TREH: variants seen among roughly 807,000 people sequenced by gnomAD.
TREH encodes the protein alpha,alpha-trehalose glucohydrolase.
TREH carries 69 observed loss-of-function variants against 80.5 expected under a neutral mutation model. The observed-to-expected ratio is 0.86, with a 90% CI of 0.71 to 1.05. The LOEUF is 1.05. Ranked by LOEUF, TREH falls within the 50% of genes least tolerant of loss-of-function variation. TREH has a pLI of 0.00. For missense variants in TREH, 716 were observed against 718.8 expected (o/e 1.00, Z 0.04); for synonymous variants, 309 against 293.5 (o/e 1.05, Z -0.54).
intron 4 of TREH, among the ~76,000 whole-genome samples, chr11:118,662,248 A>G (rs1411105507): frequency 1.4e-5 from 2 of 138,534 alleles, no homozygotes; most frequent in African/African-American, 2.6e-5. Context: ...TGAGCCAGGC[A>G]CTGGGCAGGT....
intron 1 of TREH, among the ~76,000 whole-genome samples, chr11:118,669,312 GCTACCAT>G (rs1949409454): frequency 6.6e-6 from 1 of 152,156 alleles, no homozygotes; most frequent in African/African-American, 2.4e-5. Flanking sequence ...TAAAAATAGA[GCTACCAT>G]ATGATCCAGA....
intron 1 of TREH, among the ~76,000 whole-genome samples, chr11:118,671,712 G>C (rs540653615): frequency 3.3e-5 from 5 of 152,194 alleles, no homozygotes; most frequent in African/African-American, 1.2e-4. Context: ...AGAACACCAA[G>C]CAGATTTAAC....
intron 1 of TREH, among the ~76,000 whole-genome samples, chr11:118,667,589 G>A (rs1949390138): frequency 6.6e-6 from 1 of 152,190 alleles, no homozygotes; most frequent in African/African-American, 2.4e-5. Flanking sequence ...CTGAGACAAG[G>A]AAGGCTATGG....
At position 118,674,974 on chromosome 11, in the gene TREH, A is replaced by G. The variant is rs754399583; in HGVS notation, c.89+4565T>C. ...TAAGCATGGCCCATCTTTTACTTTC[A>G]GTTTGGCTATTAGAGATAAAAGTCT... On this transcript the variant is annotated intron_variant, in intron 1 of 14. Transcript: ENST00000264029. This position sits in a 1 kb window ranked among gnomAD's most constrained non-coding sequence, Gnocchi z 4.4. 7.4e-4 allele frequency among the ~76,000 whole-genome samples: 112 copies of G among 152,212 alleles called. No individual in the cohort carries two copies. Among genetic ancestry groups the G allele is most frequent in the Non-Finnish European group, 1.3e-3 (88 of 68,010 alleles).
chr11:118,673,485 T>G (rs1214368722), intron 1 of TREH, among the ~76,000 whole-genome samples: 1 of 152,226 alleles, frequency 6.6e-6, no homozygotes, highest in Non-Finnish European at 1.5e-5. Context: ...ATTTTGTGCC[T>G]CAGCGGGAAA....
intron 1 of TREH, among the ~76,000 whole-genome samples, chr11:118,667,295 C>T (rs1949386866): frequency 6.6e-6 from 1 of 152,182 alleles, no homozygotes; most frequent in African/African-American, 2.4e-5. Context: ...CCTCCCACCT[C>T]AGCCTCCTGA....
rs1555144198 is a variant in TREH, at chr11:118,659,032, A to G, written c.1433-15T>C. ...CTTGGCCAGGCCTAGACCCCATTGC[A>G]GGCAGGACTCAACCTCCAGGTCTCC... On this transcript the variant is annotated splice_polypyrimidine_tract_variant and intron_variant, in intron 12 of 14. Transcript: ENST00000264029. The G allele has an allele frequency of 6.2e-7, 1 of 1,612,098 alleles. No individual in the cohort carries two copies. Among genetic ancestry groups the G allele is most frequent in the South Asian group, 1.1e-5 (1 of 91,030 alleles).
chr11:118,666,894 T>A (rs1453229773), intron 1 of TREH, among the ~76,000 whole-genome samples: 1 of 152,172 alleles, frequency 6.6e-6, no homozygotes, highest in African/African-American at 2.4e-5. Context: ...TATTTTTATT[T>A]TTTTTTAGAC....
At chr11:118,677,821 GT>G (rs1949494452) in intron 1 of TREH, among the ~76,000 whole-genome samples, 2 of 152,194 alleles carry the variant, frequency 1.3e-5, no homozygotes, top group Admixed American at 1.3e-4. Flanking sequence ...CACCAGTAAA[GT>G]CATCTTCCCC....
At position 118,658,986 on chromosome 11, in the gene TREH, C is replaced by G; in HGVS notation, c.1464G>C (p.Gln488His). ...TCTGAGCCAGCTGGAAAGCCACTTC[C>G]TGGGCCCGACGTAAAGGTGCCTTGG... ...GLAKAPLRRA[Q>H]EVAFQLAQNW... The change falls in exon 13 of 15, where the codon CAG becomes CAC. Residue 488 changes from glutamine (Q) to histidine (H), a missense_variant. By Grantham distance (24) the Gln-to-His change is conservative. Transcript: ENST00000264029. 1 of 1,613,890 alleles carries G rather than the reference C, an allele frequency of 6.2e-7. No individual in the cohort carries two copies. Among genetic ancestry groups the G allele is most frequent in the South Asian group, 1.1e-5 (1 of 91,086 alleles).
At chr11:118,677,331 T>A (rs181274279) in intron 1 of TREH, among the ~76,000 whole-genome samples, 1 of 152,346 alleles carries the variant, frequency 6.6e-6, no homozygotes, top group Non-Finnish European at 1.5e-5. Context: ...ATAAATCCAC[T>A]GGGAGAGGAA....
rs781844227 is a variant in TREH, at chr11:118,658,219, G to A, written c.*70C>T. 2.0e-6 allele frequency: 3 copies of A among 1,517,138 alleles called. No homozygotes were observed. Among genetic ancestry groups the A allele is most frequent in the Non-Finnish European group, 2.7e-6 (3 of 1,127,504 alleles). 94.0% of individuals were successfully genotyped at this position (1,517,138 alleles called of 1,614,324 possible). On this transcript the variant is annotated 3_prime_UTR_variant, in exon 15 of 15. Coordinates refer to ENST00000264029, the MANE Select transcript of TREH (RefSeq NM_007180.3). ...GGAGGTAGGAGGGCATGAAGAGGCA[G>A]GGGAAGGCAGGAACTGGTGCAGAGG...
rs782559422 is a variant in TREH, at chr11:118,679,632, G to A, written c.-5C>T. On this transcript the variant is annotated 5_prime_UTR_variant, in exon 1 of 15. Transcript: ENST00000264029. ...CTCCCAGGTCCTCCCTGGCATGGTG[G>A]CTGTGACTGTGACTGAATGAGCAAG... 1.3e-5 allele frequency: 20 copies of A among 1,501,112 alleles called. No homozygotes were observed. The Admixed American group carries it at 1.5e-4, about 12-fold the overall frequency. 93.0% of individuals were successfully genotyped at this position (1,501,112 alleles called of 1,614,324 possible). A position where few individuals can be genotyped will look rare whatever the true frequency, so the allele number is the denominator to read the frequency against.
intron 1 of TREH, among the ~76,000 whole-genome samples, chr11:118,673,493 A>C (rs1949448723): frequency 6.6e-6 from 1 of 152,306 alleles, no homozygotes; most frequent in South Asian, 2.1e-4. Context: ...CCTCAGCGGG[A>C]AAACAGGACT....
chr11:118,659,554 G>T, intron 11 of TREH, 73 bp from the exon 12 acceptor site: 1 of 1,417,884 alleles, frequency 7.1e-7, no homozygotes, highest in Non-Finnish European at 9.4e-7. Context: ...GCTGGACCCC[G>T]CGGGAAGCCA....
intron 11 of TREH, 57 bp from the exon 12 acceptor site, chr11:118,659,538 C>G (rs782416144): frequency 2.3e-5 from 34 of 1,467,098 alleles, no homozygotes; most frequent in Non-Finnish European, 3.0e-5. Context: ...GGAGCCAGGA[C>G]AGGACGCTGG....
At chr11:118,659,213 G>A (rs1342809634) in intron 12 of TREH, among the ~76,000 whole-genome samples, 157 bp downstream of exon 12, 5 of 152,232 alleles carry the variant, frequency 3.3e-5, no homozygotes, top group African/African-American at 1.2e-4. Flanking sequence ...GGACAGGCTG[G>A]GTGGACATAA....
In TREH at chr11:118,663,151, T is replaced by C. The variant is rs781923360; in HGVS notation, c.236A>G (p.His79Arg). The change falls in exon 3 of 15, where the codon CAC (histidine) becomes CGC (arginine). Residue 79 changes from histidine (H) to arginine (R), a missense_variant. Physicochemically the swap from His to Arg is conservative, Grantham distance 29. Coordinates refer to ENST00000264029, the MANE Select transcript of TREH (RefSeq NM_007180.3). Reference sequence around the variant, plus strand: ...CTGCAGCTGCTCCCTGGGGATGCTGTGATTGTGGTCCCTGGACAGCTCAGT... The same window carrying C: ...CTGCAGCTGCTCCCTGGGGATGCTGCGATTGTGGTCCCTGGACAGCTCAGT... ...TFTELSRDHNHSIPREQLQAF... is the reference protein window; with the variant it reads ...TFTELSRDHNRSIPREQLQAF... 1 of 1,613,666 alleles carries C rather than the reference T, an allele frequency of 6.2e-7. No individual in the cohort carries two copies.
rs562250646 is a variant in TREH, at chr11:118,668,768, C to T, written c.90-5329G>A. Among the ~76,000 whole-genome samples the T allele has an allele frequency of 2.0e-4, 31 of 151,728 alleles. 1 individual carries two copies. Among genetic ancestry groups the T allele is most frequent in the African/African-American group, 7.5e-4 (31 of 41,354 alleles). On this transcript the variant is annotated intron_variant, in intron 1 of 14. Transcript: ENST00000264029. ...CAGCCTGACCAACATGGTGAAACCC[C>T]ATCTCTACTAAAAATACAAAAATTA...
Sources: gnomAD v4.1 joint callset for allele counts (sites outside exome capture counted in the v4.1 genomes callset) on GRCh38, gnomAD v4.1.1 for gene constraint, Gnocchi (gnomAD v3.1) non-coding constraint, MANE v1.5 for transcripts, NCBI Gene and HGNC (gene_info 2026-07-23, HGNC 2026-07-21) for gene names.